Variants in PDE10A observed in about 807,000 individuals in gnomAD.
The protein encoded by PDE10A is phosphodiesterase 10A, also known as cAMP and cAMP-inhibited cGMP 3',5'-cyclic phosphodiesterase 10A.
In PDE10A, 39 loss-of-function variants were observed where a neutral mutation model predicts 97.7. That is an observed-to-expected ratio of 0.40 (90% CI 0.31 to 0.52). The LOEUF (loss-of-function observed/expected upper bound fraction) is 0.52, where lower values mean the gene tolerates loss of function less well. PDE10A is among the 20% of genes least tolerant of loss of function. PDE10A has a pLI of 0.56. For synonymous variants in PDE10A, 371 were observed against 376.8 expected, an observed-to-expected ratio of 0.98 and a Z score of 0.18; for missense variants, 731 against 1,047.8, an observed-to-expected ratio of 0.70 and a Z score of 4.17.
intron 1 of PDE10A, among the ~76,000 whole-genome samples, chr6:165,843,935 C>T (rs1029890656): frequency 1.5e-4 from 23 of 152,192 alleles, no homozygotes; most frequent in African/African-American, 5.3e-4. Context: ...GCAGCAGGAG[C>T]ACCTCTGGCA....
intron 1 of PDE10A, among the ~76,000 whole-genome samples, chr6:165,604,396 T>G (rs1337408923): frequency 6.6e-6 from 1 of 151,996 alleles, no homozygotes. Flanking sequence ...TTCATCCTTC[T>G]GGTCCAGCTG....
intron 1 of PDE10A, among the ~76,000 whole-genome samples, chr6:165,963,966 GC>G (rs1398533450): frequency 6.6e-6 from 1 of 152,234 alleles, no homozygotes; most frequent in Admixed American, 6.5e-5. Flanking sequence ...TAAGGTGTCA[GC>G]GGCAACATCA....
intron 1 of PDE10A, among the ~76,000 whole-genome samples, chr6:165,595,177 C>T (rs1452966483): frequency 1.3e-5 from 2 of 152,134 alleles, no homozygotes; most frequent in African/African-American, 4.8e-5. Flanking sequence ...GCTGCAGGGG[C>T]CAGCCCTGCA....
At chr6:165,465,118 G>A (rs1778559733) in intron 3 of PDE10A, among the ~76,000 whole-genome samples, 1 of 152,028 alleles carries the variant, frequency 6.6e-6, no homozygotes, top group Non-Finnish European at 1.5e-5. Context: ...TAAGAATTGA[G>A]TTATCAAAAT....
intron 1 of PDE10A, among the ~76,000 whole-genome samples, chr6:165,788,518 C>CAAAAA (rs56927613): frequency 1.5e-3 from 111 of 74,358 alleles, no homozygotes; most frequent in East Asian, 3.8e-3. Flanking sequence ...AACTCTGTCT[C>CAAAAA]AAAAAAAAAA....
At chr6:165,683,138 CT>C (rs1562682502) in intron 1 of PDE10A, among the ~76,000 whole-genome samples, 1 of 152,164 alleles carries the variant, frequency 6.6e-6, no homozygotes, top group Admixed American at 6.5e-5. Context: ...GGAAAGAAGA[CT>C]GAAGAGGGAG....
intron 1 of PDE10A, among the ~76,000 whole-genome samples, chr6:165,679,363 A>G (rs1318442952): frequency 2.0e-5 from 3 of 152,244 alleles, no homozygotes. Flanking sequence ...CTCAAAGTGG[A>G]TACCAAGAAG....
chr6:165,562,288 C>A (rs538971710), intron 1 of PDE10A, among the ~76,000 whole-genome samples: 1 of 151,924 alleles, frequency 6.6e-6, no homozygotes, highest in Non-Finnish European at 1.5e-5. Flanking sequence ...TAGAATGTAG[C>A]CTGTTATTAA....
At chr6:165,814,929 C>T (rs2128467945) in intron 1 of PDE10A, among the ~76,000 whole-genome samples, 1 of 152,054 alleles carries the variant, frequency 6.6e-6, no homozygotes, top group South Asian at 2.1e-4. Context: ...CTGATTTATC[C>T]CCAGATGATC....
At chr6:165,959,500 T>A (rs978336576) in intron 1 of PDE10A, among the ~76,000 whole-genome samples, 1 of 152,256 alleles carries the variant, frequency 6.6e-6, no homozygotes, top group African/African-American at 2.4e-5. Flanking sequence ...ATATATGGAT[T>A]GGATCAGAGA....
At chr6:165,538,644 T>C in intron 2 of PDE10A, among the ~76,000 whole-genome samples, 1 of 152,128 alleles carries the variant, frequency 6.6e-6, no homozygotes, top group South Asian at 2.1e-4. Context: ...AACTCACAAT[T>C]TTTTACATTA....
intron 2 of PDE10A, among the ~76,000 whole-genome samples, chr6:165,497,164 TCTGA>T (rs1393039948): frequency 2.5e-4 from 38 of 152,302 alleles, no homozygotes; most frequent in African/African-American, 8.9e-4. Flanking sequence ...CACTTTCTTC[TCTGA>T]GAGATTATAA....
intron 10 of PDE10A, among the ~76,000 whole-genome samples, chr6:165,421,745 C>CT (rs2128232404): frequency 6.6e-6 from 1 of 152,270 alleles, no homozygotes; most frequent in Non-Finnish European, 1.5e-5. Flanking sequence ...AAAAAATCAA[C>CT]TGACAAACAA....
At chr6:165,703,630 T>C (rs955942140) in intron 1 of PDE10A, among the ~76,000 whole-genome samples, 3 of 152,262 alleles carry the variant, frequency 2.0e-5, no homozygotes, top group African/African-American at 7.2e-5. Context: ...GGTAAGAACC[T>C]ACACATTTGA....
At chr6:165,961,348 G>C (rs1784355069) in intron 1 of PDE10A, among the ~76,000 whole-genome samples, 2 of 152,272 alleles carry the variant, frequency 1.3e-5, no homozygotes, top group Admixed American at 6.5e-5. Context: ...CTATAGAGTG[G>C]GATAATGCTT....
At chr6:165,705,484 C>G (rs1164599824) in intron 1 of PDE10A, among the ~76,000 whole-genome samples, 1 of 152,224 alleles carries the variant, frequency 6.6e-6, no homozygotes. Context: ...CTCCCCATAG[C>G]ACCTAGCTCG....
chr6:165,553,554 G>C (rs1483965564), intron 1 of PDE10A, among the ~76,000 whole-genome samples: 1 of 152,180 alleles, frequency 6.6e-6, no homozygotes, highest in African/African-American at 2.4e-5. Flanking sequence ...CTAGAAAGCA[G>C]TCATTTAATG....
chr6:165,389,363 T>C (rs1009900757), intron 16 of PDE10A, among the ~76,000 whole-genome samples: 5 of 152,198 alleles, frequency 3.3e-5, no homozygotes, highest in African/African-American at 9.7e-5. Context: ...AATAGAGCTT[T>C]AGACCAGGAT....
chr6:165,440,586 G>A (rs1056379586), intron 5 of PDE10A, among the ~76,000 whole-genome samples: 6 of 152,038 alleles, frequency 3.9e-5, no homozygotes, highest in Non-Finnish European at 5.9e-5. Flanking sequence ...GTGTGAACTC[G>A]GACAGTCATT....
Sources: gnomAD v4.1 joint callset for allele counts (sites outside exome capture counted in the v4.1 genomes callset) on GRCh38, gnomAD v4.1.1 for gene constraint, MANE v1.5 for transcripts, NCBI Gene and HGNC (gene_info 2026-07-23, HGNC 2026-07-21) for gene names.